R3HDM1: variants seen among roughly 807,000 people sequenced by gnomAD.
The protein encoded by R3HDM1 is R3H domain containing 1.
In R3HDM1, 46 loss-of-function variants were observed where a neutral mutation model predicts 141.1. The ratio of observed to expected loss-of-function variants is 0.33; its 90% CI spans 0.26 to 0.42. R3HDM1 has a LOEUF of 0.42. Among genes scored for constraint, R3HDM1 ranks in the 10% least tolerant of loss-of-function variants. The probability of loss-of-function intolerance (pLI) is 1.00; values close to 1 mark genes in which losing one functional copy is unlikely to be tolerated. For synonymous variants in R3HDM1, 435 were observed against 472.9 expected (o/e 0.92, Z 1.04); for missense variants, 1,184 against 1,368.3 (o/e 0.87, Z 2.12).
Position 135,604,940 on chromosome 2 carries a change from T to G in R3HDM1, c.95T>G (p.Leu32Arg), listed in dbSNP as rs1018677500. The G allele has an allele frequency of 6.2e-6, 10 of 1,612,256 alleles. No homozygotes were observed. In the African/African-American group the frequency reaches 1.2e-4, roughly 19 times the overall value. ...AAAGATACAACCAGAGTTGAAAATCTTATCAAATCAGAAAACTATGGGAAG... is the reference window on the plus strand; with the variant it reads ...AAAGATACAACCAGAGTTGAAAATCGTATCAAATCAGAAAACTATGGGAAG... The part of the protein sequence containing the change: ...EVKDTTRVEN[L>R]IKSENYGKIL... The change falls in exon 3 of 27, where the codon CTT (leucine) becomes CGT (arginine). Residue 32 changes from leucine to arginine, a missense_variant. This residue lies in a region of R3HDM1 where 192 missense variants were observed against 215.7 expected (regional missense o/e 0.89). Transcript: ENST00000683871.
At position 135,723,931 on chromosome 2, in the gene R3HDM1, T is replaced by G; in HGVS notation, c.3050-6T>G. The stretch of plus-strand genomic sequence containing the variant: ...ATGTATTGATTCTGTACCTTTTCTA[T>G]TCTAGTTGTTGGGAAGGTCTTGGAA... On this transcript the variant is annotated splice_region_variant and splice_polypyrimidine_tract_variant and intron_variant, in intron 26 of 26. Coordinates refer to ENST00000683871, the MANE Select transcript of R3HDM1 (RefSeq NM_001378107.1). The G allele has an allele frequency of 6.2e-7, 1 of 1,601,132 alleles. No individual in the cohort carries two copies. The highest frequency in any genetic ancestry group is 8.5e-7 in the Non-Finnish European group (1 of 1,170,384).
At chr2:135,632,910 G>A (rs533975771) in intron 9 of R3HDM1, among the ~76,000 whole-genome samples, 2 of 152,130 alleles carry the variant, frequency 1.3e-5, no homozygotes, top group East Asian at 3.9e-4. Flanking sequence ...AATTTGCATG[G>A]TTATATTTAA....
At chr2:135,633,360 C>G (rs984225273) in intron 9 of R3HDM1, among the ~76,000 whole-genome samples, 7 of 152,138 alleles carry the variant, frequency 4.6e-5, no homozygotes, top group Non-Finnish European at 1.5e-5. Flanking sequence ...AGCACATATA[C>G]ATTAGCAGGC....
chr2:135,630,143 G>C (rs995406470), intron 7 of R3HDM1, among the ~76,000 whole-genome samples: 1 of 151,332 alleles, frequency 6.6e-6, no homozygotes, highest in African/African-American at 2.4e-5. Flanking sequence ...CTGGCGTGGT[G>C]GTGCATGCCT....
Position 135,680,343 on chromosome 2 carries a change from C to A in R3HDM1, c.2459+19C>A. 3 of 1,611,146 alleles carry A rather than the reference C, an allele frequency of 1.9e-6. No individual in the cohort carries two copies. The South Asian group carries it at 3.3e-5, about 18-fold the overall frequency. On this transcript the variant is annotated intron_variant, in intron 21 of 26. Coordinates refer to ENST00000683871, the MANE Select transcript of R3HDM1 (RefSeq NM_001378107.1). ...ATTTAAGGTGAGTATGACTGAGTAA[C>A]CTAATCTTCCAGCTTCTCATTGTTT... is the stretch of plus-strand genomic sequence containing the variant.
intron 3 of R3HDM1, among the ~76,000 whole-genome samples, chr2:135,614,200 GCCT>G (rs1355472106): frequency 6.6e-6 from 1 of 152,092 alleles, no homozygotes; most frequent in Non-Finnish European, 1.5e-5. Flanking sequence ...TTTCATCAAA[GCCT>G]CCTCGTAGAT....
intron 19 of R3HDM1, among the ~76,000 whole-genome samples, chr2:135,666,053 A>T (rs1229496224): frequency 6.6e-6 from 1 of 152,228 alleles, no homozygotes; most frequent in African/African-American, 2.4e-5. Context: ...AGCTTTCCAG[A>T]TAACCCAGAA....
chr2:135,675,454 G>T lies in R3HDM1; in HGVS notation c.2275G>T (p.Val759Phe), dbSNP rs955324435. Reference protein sequence around the residue: ...NSIGNQIQGVVIPYTSVPTYQ... With the variant: ...NSIGNQIQGVFIPYTSVPTYQ... ...CATTGGAAATCAGATTCAAGGAGTG[G>T]TCATCCCCTATACTTCAGTGCCAAC... is the stretch of plus-strand genomic sequence containing the variant. Residue 759 changes from valine to phenylalanine, a missense_variant, in exon 20 of 27, where the codon GTC becomes TTC. Val to Phe is a conservative substitution (Grantham distance 50). Coordinates refer to ENST00000683871, the MANE Select transcript of R3HDM1 (RefSeq NM_001378107.1). 1 of 1,613,916 alleles carries T rather than the reference G, an allele frequency of 6.2e-7. No homozygotes were observed. Among genetic ancestry groups the T allele is most frequent in the South Asian group, 1.1e-5 (1 of 91,074 alleles).
At chr2:135,557,103 C>A (rs1003350934) in intron 1 of R3HDM1, among the ~76,000 whole-genome samples, 3 of 152,000 alleles carry the variant, frequency 2.0e-5, no homozygotes, top group African/African-American at 4.8e-5. Flanking sequence ...TTTTTTCTTT[C>A]TTAATCAGTG....
At chr2:135,564,355 T>C (rs994643549) in intron 1 of R3HDM1, among the ~76,000 whole-genome samples, 11 of 152,228 alleles carry the variant, frequency 7.2e-5, no homozygotes, top group African/African-American at 2.7e-4. Flanking sequence ...AGTCTCACTC[T>C]GTTGCCCAGG....
At chr2:135,692,684 A>T (rs1005800456) in intron 21 of R3HDM1, among the ~76,000 whole-genome samples, 2 of 151,134 alleles carry the variant, frequency 1.3e-5, no homozygotes, top group African/African-American at 2.4e-5. Flanking sequence ...GAGACTCTTT[A>T]AAAAAAAAGG....
chr2:135,698,248 C>G (rs934926916), intron 21 of R3HDM1, among the ~76,000 whole-genome samples: 1 of 151,308 alleles, frequency 6.6e-6, no homozygotes, highest in Non-Finnish European at 1.5e-5. Flanking sequence ...CAAGCTCCGC[C>G]TCCCGGGTTC....
At chr2:135,665,658 A>G (rs2067380519) in intron 19 of R3HDM1, among the ~76,000 whole-genome samples, 1 of 152,204 alleles carries the variant, frequency 6.6e-6, no homozygotes. Flanking sequence ...CCTGTTAAAA[A>G]TTTGTGAAAG....
intron 1 of R3HDM1, among the ~76,000 whole-genome samples, chr2:135,583,549 A>G (rs905307657): frequency 2.0e-5 from 3 of 152,172 alleles, no homozygotes; most frequent in Non-Finnish European, 4.4e-5. Flanking sequence ...AGGTTTTGTC[A>G]TTTATTTATG....
chr2:135,715,479 G>A (rs1559505192), intron 23 of R3HDM1, 71 bp from the exon 24 acceptor site: 2 of 1,497,856 alleles, frequency 1.3e-6, no homozygotes, highest in Non-Finnish European at 9.1e-7. Context: ...GTACGTATAT[G>A]TAATCAGGAA....
chr2:135,538,020 A>G (rs1052717237), intron 1 of R3HDM1, among the ~76,000 whole-genome samples: 4 of 152,198 alleles, frequency 2.6e-5, no homozygotes, highest in Non-Finnish European at 5.9e-5. Flanking sequence ...AACATTAGGG[A>G]TAAATTCTGA....
At chr2:135,601,248 G>T (rs2059599883) in intron 1 of R3HDM1, among the ~76,000 whole-genome samples, 1 of 152,178 alleles carries the variant, frequency 6.6e-6, no homozygotes, top group Non-Finnish European at 1.5e-5. Context: ...AGATGACACG[G>T]TATCAATTAA....
At chr2:135,598,269 C>A (rs752060987) in intron 1 of R3HDM1, among the ~76,000 whole-genome samples, 8 of 152,138 alleles carry the variant, frequency 5.3e-5, no homozygotes, top group Non-Finnish European at 8.8e-5. Context: ...GAGAAAGAAA[C>A]AAAATGGTTA....
intron 1 of R3HDM1, among the ~76,000 whole-genome samples, chr2:135,556,814 A>G (rs72988420): frequency 0.055 from 8,421 of 152,060 alleles, 444 homozygotes; most frequent in African/African-American, 0.14. Flanking sequence ...CACCGGGCCT[A>G]GCCCAAAACT....
Sources: gnomAD v4.1 joint callset for allele counts (sites outside exome capture counted in the v4.1 genomes callset) on GRCh38, gnomAD v4.1.1 for gene constraint, gnomAD v4.1.1 regional missense constraint, MANE v1.5 for transcripts, NCBI Gene and HGNC (gene_info 2026-07-23, HGNC 2026-07-21) for gene names.